The following WDR4 variants were observed in gnomAD, a reference collection of about 807,000 sequenced individuals.
WDR4 encodes tRNA (guanine-N(7)-)-methyltransferase non-catalytic subunit WDR4.
In WDR4, 47 loss-of-function variants were observed where a neutral mutation model predicts 48.6. The observed-to-expected ratio is 0.97, with a 90% CI of 0.77 to 1.23. The LOEUF (loss-of-function observed/expected upper bound fraction) is 1.23, where lower values mean the gene tolerates loss of function less well. Ranked by LOEUF, WDR4 falls within the 50% of genes most tolerant of loss-of-function variation. The pLI is 0.00. For missense variants in WDR4, 606 were observed against 551.6 expected, an observed-to-expected ratio of 1.10 and a Z score of -0.99; for synonymous variants, 268 against 230.0, an observed-to-expected ratio of 1.17 and a Z score of -1.49.
chr21:42,866,177 G>A (rs931756866), intron 3 of WDR4, among the ~76,000 whole-genome samples: 4 of 152,004 alleles, frequency 2.6e-5, no homozygotes, highest in East Asian at 1.9e-4. Context: ...CCTCATCTTC[G>A]GCTTGGAAAA....
intron 3 of WDR4, among the ~76,000 whole-genome samples, chr21:42,864,480 G>T (rs902952601): frequency 6.6e-6 from 1 of 152,274 alleles, no homozygotes; most frequent in South Asian, 2.1e-4. Context: ...GAGGGGCCTG[G>T]CCACCCTCAG....
At chr21:42,852,638 A>G (rs995163135) in intron 9 of WDR4, among the ~76,000 whole-genome samples, 2 of 152,246 alleles carry the variant, frequency 1.3e-5, no homozygotes, top group Non-Finnish European at 2.9e-5. Flanking sequence ...CTTCCAGGTC[A>G]GGCGCAGTGG....
the WDR4 span, among the ~76,000 whole-genome samples, chr21:42,892,161 A>G: frequency 1.3e-4 from 19 of 149,232 alleles, no homozygotes; most frequent in African/African-American, 2.2e-4. Flanking sequence ...GGCTGAGGCA[A>G]GAGAATGGCG....
In WDR4 at chr21:42,849,879, G is replaced by A. The variant is rs1205566156; in HGVS notation, c.*170C>T. ...GGGCACAGGCACCCAGCAAGAGCCT[G>A]TGCTGGTGACACAGAATGTTCTTTC... On this transcript the variant is annotated 3_prime_UTR_variant, in exon 11 of 11. Coordinates refer to ENST00000398208, the MANE Select transcript of WDR4 (RefSeq NM_018669.6). 3 of 791,770 alleles carry A rather than the reference G, an allele frequency of 3.8e-6. No homozygotes were observed. The highest frequency in any genetic ancestry group is 1.9e-5 in the South Asian group (1 of 51,334). 49.0% of individuals were successfully genotyped at this position (791,770 alleles called of 1,614,324 possible).
intron 3 of WDR4, among the ~76,000 whole-genome samples, chr21:42,869,935 C>T (rs538991462): frequency 6.6e-6 from 1 of 151,914 alleles, no homozygotes; most frequent in East Asian, 1.9e-4. Context: ...ATCACTTGAA[C>T]CCAGGAGGCG....
chr21:42,880,653 T>G (rs551348508), upstream of WDR4, among the ~76,000 whole-genome samples: 33 of 152,200 alleles, frequency 2.2e-4, no homozygotes, highest in Non-Finnish European at 4.6e-4. Flanking sequence ...CTCCCCAGGC[T>G]GTATCTCAGC....
intron 3 of WDR4, among the ~76,000 whole-genome samples, chr21:42,864,901 C>T (rs1306097150): frequency 1.3e-5 from 2 of 152,218 alleles, no homozygotes; most frequent in African/African-American, 4.8e-5. Flanking sequence ...TACAGAACAG[C>T]AGCCAGCCCT....
chr21:42,861,278 C>T (rs1484644250), intron 5 of WDR4, among the ~76,000 whole-genome samples: 2 of 143,242 alleles, frequency 1.4e-5, no homozygotes, highest in African/African-American at 5.4e-5. Flanking sequence ...CACGCCACTG[C>T]ACTCCAGCCT....
At chr21:42,845,392 T>G (rs1398598800), downstream of WDR4, among the ~76,000 whole-genome samples, 1 of 152,230 alleles carries the variant, frequency 6.6e-6, no homozygotes, top group African/African-American at 2.4e-5. Context: ...AAAGCTCTCC[T>G]TCCCGGAGGG....
upstream of WDR4, among the ~76,000 whole-genome samples, chr21:42,880,961 G>A (rs969099568): frequency 5.5e-5 from 8 of 146,680 alleles, no homozygotes; most frequent in East Asian, 5.9e-4. Flanking sequence ...ACGGAGTCTC[G>A]CTCTGTCGCC....
At chr21:42,871,990 CTTTTT>C (rs35981241) in intron 3 of WDR4, among the ~76,000 whole-genome samples, 1 of 149,066 alleles carries the variant, frequency 6.7e-6, no homozygotes, top group Non-Finnish European at 1.5e-5. Flanking sequence ...TAGAATTTGG[CTTTTT>C]TTTTTTGAGA....
rs1299687141 is a variant in WDR4 at position 42,861,346 on chromosome 21, AG to A, written c.566+935del. ...AAGGGAGGGGAAGGGTGGGGTGGGG[AG>A]GGGGGAAGGAAGGGAGGGAGGGAGG... On this transcript the variant is annotated intron_variant, in intron 5 of 10. Transcript: ENST00000398208. 3.8e-4 allele frequency among the ~76,000 whole-genome samples: 4 copies of A among 10,480 alleles called. No homozygotes were observed. The East Asian group carries it at 0.019, about 49-fold the overall frequency. The allele number at this position is 10,480 out of a possible 152,430, so 6.9% of individuals were successfully genotyped here. A position where few individuals can be genotyped will look rare whatever the true frequency, so the allele number is the denominator to read the frequency against.
chr21:42,846,131 T>TA (rs532846843), downstream of WDR4, among the ~76,000 whole-genome samples: 586 of 146,606 alleles, frequency 4.0e-3, 2 homozygotes, highest in African/African-American at 0.011. Context: ...TCTCTAAAAA[T>TA]AAAAAAAAAA....
At chr21:42,883,316 T>C (rs1439398496), upstream of WDR4, among the ~76,000 whole-genome samples, 1 of 51,384 alleles carries the variant, frequency 1.9e-5, no homozygotes, top group Non-Finnish European at 3.7e-5. Context: ...AAGTTACCCT[T>C]TTTTTTTTTT....
chr21:42,886,189 T>C, the WDR4 span, among the ~76,000 whole-genome samples: 1 of 152,128 alleles, frequency 6.6e-6, no homozygotes, highest in African/African-American at 2.4e-5. Flanking sequence ...ACTCCTGACG[T>C]CAGGCAATCC....
chr21:42,852,308 G>T lies in WDR4; in HGVS notation c.992C>A (p.Thr331Asn), dbSNP rs1164504826. The T allele has an allele frequency of 6.2e-7, 1 of 1,614,106 alleles. No individual in the cohort carries two copies. The highest frequency in any genetic ancestry group is 8.5e-7 in the Non-Finnish European group (1 of 1,180,006). ...GDQWQSVPES[T>N]VLKKVSGVLR... is the part of the protein sequence containing the mutation. ...AACACCAGAGACTTTCTTTAACACG[G>T]TGCTCTCAGGAACAGACTGCAGGCG... Residue 331 changes from threonine (T) to asparagine (N), a missense_variant, in exon 10 of 11, where the codon ACC becomes AAC. Physicochemically the swap from Thr to Asn is moderately conservative, Grantham distance 65. Coordinates refer to ENST00000398208, the MANE Select transcript of WDR4 (RefSeq NM_018669.6).
intron 2 of WDR4, among the ~76,000 whole-genome samples, chr21:42,874,424 G>A (rs1308533039): frequency 6.6e-6 from 1 of 152,146 alleles, no homozygotes; most frequent in Non-Finnish European, 1.5e-5. Flanking sequence ...TGGGCACCTT[G>A]AAAAAGAACA....
chr21:42,857,199 C>T (rs58190686), intron 6 of WDR4, among the ~76,000 whole-genome samples: 1,777 of 152,172 alleles, frequency 0.012, 37 homozygotes, highest in African/African-American at 0.041. Flanking sequence ...AGCCGAGGGG[C>T]CCCTGTCTCG....
At chr21:42,870,120 G>A (rs536334165) in intron 3 of WDR4, among the ~76,000 whole-genome samples, 1 of 152,132 alleles carries the variant, frequency 6.6e-6, no homozygotes, top group South Asian at 2.1e-4. Context: ...GGAGGCCAAG[G>A]TCAGCGGATC....
Sources: gnomAD v4.1 joint callset for allele counts (sites outside exome capture counted in the v4.1 genomes callset) on GRCh38, gnomAD v4.1.1 for gene constraint, MANE v1.5 for transcripts, NCBI Gene and HGNC (gene_info 2026-07-23, HGNC 2026-07-21) for gene names.